The following MED13L variants were observed in gnomAD, a reference collection of about 807,000 sequenced individuals.
The protein encoded by MED13L is mediator complex subunit 13L, also known as mediator of RNA polymerase II transcription subunit 13-like.
A neutral mutation model predicts 220.9 loss-of-function variants in MED13L; 7 were observed. The ratio of observed to expected loss-of-function variants is 0.03; its 90% CI spans 0.02 to 0.06. The LOEUF (loss-of-function observed/expected upper bound fraction) is 0.06. Ranked by LOEUF, MED13L falls within the 10% of genes least tolerant of loss-of-function variation. The probability of loss-of-function intolerance (pLI) is 1.00; values close to 1 mark genes in which losing one functional copy is unlikely to be tolerated. For missense variants in MED13L, 1,965 were observed against 2,760.5 expected, an observed-to-expected ratio of 0.71 and a Z score of 6.46; for synonymous variants, 1,011 against 1,015.2, an observed-to-expected ratio of 1.00 and a Z score of 0.08.
intron 2 of MED13L, among the ~76,000 whole-genome samples, chr12:116,216,075 TA>T (rs1431473015): frequency 6.6e-6 from 1 of 152,222 alleles, no homozygotes; most frequent in Non-Finnish European, 1.5e-5. Context: ...AAATTCTAGC[TA>T]TGATCTATAC....
chr12:116,001,786 G>T (rs1878761088), intron 14 of MED13L, among the ~76,000 whole-genome samples: 1 of 152,026 alleles, frequency 6.6e-6, no homozygotes, highest in Non-Finnish European at 1.5e-5. Flanking sequence ...ATAAAATTTT[G>T]AATTTTGAGT....
At chr12:116,186,121 C>T (rs1436873244) in intron 2 of MED13L, among the ~76,000 whole-genome samples, 1 of 152,152 alleles carries the variant, frequency 6.6e-6, no homozygotes, top group Admixed American at 6.6e-5. Context: ...GAAATACTAC[C>T]TCCTCCTCAA....
At chr12:116,009,565 T>C (rs1049844596) in intron 9 of MED13L, among the ~76,000 whole-genome samples, 2 of 152,212 alleles carry the variant, frequency 1.3e-5, no homozygotes, top group African/African-American at 4.8e-5. Flanking sequence ...TAATGGCTTG[T>C]AGTGCTGTAA....
At chr12:116,121,132 AC>A (rs947044531) in intron 2 of MED13L, among the ~76,000 whole-genome samples, 2 of 152,314 alleles carry the variant, frequency 1.3e-5, no homozygotes, top group East Asian at 1.9e-4. Context: ...CTGTTATTCA[AC>A]CTTTTTTAAT....
chr12:116,276,613 CA>C, intron 1 of MED13L: 1 of 1,195,304 alleles, frequency 8.4e-7, no homozygotes, highest in Non-Finnish European at 1.1e-6. Context: ...TAAAAAAATT[CA>C]AAAGGCAGGC....
intron 2 of MED13L, among the ~76,000 whole-genome samples, chr12:116,115,826 A>T (rs1331203534): frequency 3.3e-5 from 5 of 152,236 alleles, no homozygotes; most frequent in Non-Finnish European, 7.3e-5. Flanking sequence ...ATTATCCATT[A>T]AAATGGCTTA....
At chr12:116,072,612 C>T (rs954896426) in intron 4 of MED13L, among the ~76,000 whole-genome samples, 1 of 152,078 alleles carries the variant, frequency 6.6e-6, no homozygotes, top group Non-Finnish European at 1.5e-5. Context: ...CCACGATGCC[C>T]GGCTAATTTT....
intron 4 of MED13L, among the ~76,000 whole-genome samples, chr12:116,078,254 T>C (rs1247639837): frequency 6.6e-6 from 1 of 152,158 alleles, no homozygotes; most frequent in African/African-American, 2.4e-5. Flanking sequence ...TGGGTAATTC[T>C]AAATGCCAGT....
At chr12:116,110,426 A>G (rs1443969945) in intron 3 of MED13L, among the ~76,000 whole-genome samples, 1 of 152,158 alleles carries the variant, frequency 6.6e-6, no homozygotes, top group African/African-American at 2.4e-5. Flanking sequence ...GCTCTTCCTT[A>G]CAACAGGATG....
At chr12:116,097,656 G>A (rs1872728582) in intron 3 of MED13L, among the ~76,000 whole-genome samples, 1 of 152,174 alleles carries the variant, frequency 6.6e-6, no homozygotes, top group Non-Finnish European at 1.5e-5. Context: ...CTTCAATAAT[G>A]AATATCTGCT....
chr12:116,115,468 T>C (rs1464832171), intron 2 of MED13L, among the ~76,000 whole-genome samples: 1 of 152,042 alleles, frequency 6.6e-6, no homozygotes, highest in African/African-American at 2.4e-5. Flanking sequence ...ACCAAAAGCA[T>C]GATCCATAAA....
chr12:116,264,034 T>A (rs964927321), intron 1 of MED13L, among the ~76,000 whole-genome samples: 1 of 152,162 alleles, frequency 6.6e-6, no homozygotes, highest in Non-Finnish European at 1.5e-5. Flanking sequence ...AAAATGGAGC[T>A]TTCCCTGGGC....
chr12:116,045,517 T>A (rs1408074244), intron 4 of MED13L, among the ~76,000 whole-genome samples: 1 of 152,172 alleles, frequency 6.6e-6, no homozygotes. Flanking sequence ...CCCTGTGGAC[T>A]TGTAACTAAT....
rs1185664861 is a variant in MED13L at position 116,140,278 on chromosome 12, G to A, written c.311-28766C>T. ...TCCTCATCCCATTCCCAATTAGAGTGTAAGTTTAATGAAGGTAAAGATTTG... is the reference window on the plus strand; with the variant it reads ...TCCTCATCCCATTCCCAATTAGAGTATAAGTTTAATGAAGGTAAAGATTTG... On this transcript the variant is annotated intron_variant, in intron 2 of 30. Coordinates refer to ENST00000281928, the MANE Select transcript of MED13L (RefSeq NM_015335.5). 5.3e-5 allele frequency among the ~76,000 whole-genome samples: 8 copies of A among 152,126 alleles called. No individual in the cohort carries two copies. In the South Asian group the frequency reaches 1.7e-3, roughly 32 times the overall value.
intron 1 of MED13L, among the ~76,000 whole-genome samples, chr12:116,248,780 T>C (rs987971968): frequency 5.9e-5 from 9 of 152,256 alleles, no homozygotes; most frequent in African/African-American, 2.2e-4. Context: ...AGTCTGCTGA[T>C]ACCTGAGCTA....
chr12:116,176,548 C>A (rs552379060), intron 2 of MED13L, among the ~76,000 whole-genome samples: 13 of 152,212 alleles, frequency 8.5e-5, no homozygotes, highest in African/African-American at 3.1e-4. Flanking sequence ...GGGCCTTTGA[C>A]TGTAGTCTCA....
intron 2 of MED13L, among the ~76,000 whole-genome samples, chr12:116,225,008 T>C (rs960004709): frequency 6.6e-6 from 1 of 152,180 alleles, no homozygotes; most frequent in Non-Finnish European, 1.5e-5. Context: ...ACCTTACATG[T>C]ATAAAGCTTG....
chr12:116,027,229 C>G (rs1467191398), intron 4 of MED13L, among the ~76,000 whole-genome samples: 1 of 152,130 alleles, frequency 6.6e-6, no homozygotes, highest in African/African-American at 2.4e-5. Context: ...CAGGACTAAC[C>G]TGTGCAACAT....
intron 17 of MED13L, among the ~76,000 whole-genome samples, chr12:115,990,204 CATT>C (rs1220160673): frequency 2.0e-5 from 3 of 152,218 alleles, no homozygotes; most frequent in Non-Finnish European, 4.4e-5. Flanking sequence ...GTGTACTCAT[CATT>C]GAGATCTCTG....
Sources: gnomAD v4.1 joint callset for allele counts (sites outside exome capture counted in the v4.1 genomes callset) on GRCh38, gnomAD v4.1.1 for gene constraint, MANE v1.5 for transcripts, NCBI Gene and HGNC (gene_info 2026-07-23, HGNC 2026-07-21) for gene names.